Variants in MME observed in about 807,000 individuals in gnomAD.
MME encodes the protein membrane metalloendopeptidase.
MME carries 98 observed loss-of-function variants against 113.2 expected under a neutral mutation model. The observed-to-expected ratio is 0.87, with a 90% CI of 0.74 to 1.02. The LOEUF (loss-of-function observed/expected upper bound fraction) is 1.02, where lower values mean the gene tolerates loss of function less well. MME is among the 50% of genes least tolerant of loss of function. The pLI is 0.00. For missense variants in MME, 836 were observed against 896.0 expected (o/e 0.93, Z 0.86); for synonymous variants, 292 against 300.6 (o/e 0.97, Z 0.30).
chr3:155,149,211 G>A (rs1721744596), intron 16 of MME, among the ~76,000 whole-genome samples: 1 of 152,026 alleles, frequency 6.6e-6, no homozygotes, highest in African/African-American at 2.4e-5. Flanking sequence ...ATAACTATTA[G>A]TTTAGATTTT....
upstream of MME, among the ~76,000 whole-genome samples, chr3:155,076,230 G>A (rs1714743920): frequency 6.6e-6 from 1 of 152,204 alleles, no homozygotes. Flanking sequence ...TTTGTTGTAA[G>A]TTTACCAGCC....
chr3:155,051,096 T>A (rs896780802), intron 1 of MME, among the ~76,000 whole-genome samples: 15 of 152,334 alleles, frequency 9.8e-5, no homozygotes, highest in African/African-American at 3.4e-4. Context: ...AGGAAGAAAC[T>A]GTTAAGCAAA....
At chr3:155,047,293 C>T (rs1713589859) in intron 1 of MME, among the ~76,000 whole-genome samples, 1 of 152,000 alleles carries the variant, frequency 6.6e-6, no homozygotes, top group African/African-American at 2.4e-5. Flanking sequence ...AGTATTTTAC[C>T]ACTGTCTATA....
chr3:155,148,548 A>G lies in MME; in HGVS notation c.1498-2A>G, dbSNP rs1721692909. On this transcript the variant is annotated splice_acceptor_variant, in intron 15 of 22. Coordinates refer to ENST00000360490, the MANE Select transcript of MME (RefSeq NM_007289.4). LOFTEE classifies it high-confidence loss of function. Reference sequence around the variant, plus strand: ...TCTTCCCAAATCTTCTTTATAATACAGTTGAACTACAAAGAAGATGAATAC... The same window carrying G: ...TCTTCCCAAATCTTCTTTATAATACGGTTGAACTACAAAGAAGATGAATAC... The G allele has an allele frequency of 6.3e-7, 1 of 1,583,526 alleles. No homozygotes were observed. The highest frequency in any genetic ancestry group is 1.7e-5 in the Admixed American group (1 of 59,830).
At chr3:155,144,226 T>C (rs1721334240) in intron 13 of MME, 133 bp from the exon 14 acceptor site, 3 of 699,346 alleles carry the variant, frequency 4.3e-6, no homozygotes, top group Non-Finnish European at 7.8e-6. Context: ...TTAGCTTAGG[T>C]CACAGTTTGT....
chr3:155,047,110 C>G (rs1020410487), intron 1 of MME, among the ~76,000 whole-genome samples: 5 of 152,202 alleles, frequency 3.3e-5, no homozygotes, highest in African/African-American at 1.2e-4. Context: ...CACTCACTGA[C>G]TCACCTAGAG....
intron 3 of MME, among the ~76,000 whole-genome samples, chr3:155,092,090 CTTGTTTTATCTAGGCCCTCAACAGA>C (rs541156727): frequency 1.4e-3 from 213 of 152,290 alleles, no homozygotes; most frequent in African/African-American, 4.9e-3. Flanking sequence ...CCCTCTGCCT[CTTGTTTTATCTAGGCCCTCAACAGA>C]TTGGATGATG....
At chr3:155,106,052 A>G (rs1480557800) in intron 3 of MME, among the ~76,000 whole-genome samples, 2 of 152,246 alleles carry the variant, frequency 1.3e-5, no homozygotes, top group African/African-American at 4.8e-5. Flanking sequence ...ACATGTATAT[A>G]TGAAATATAG....
intron 3 of MME, among the ~76,000 whole-genome samples, chr3:155,103,325 C>A (rs574502348): frequency 6.3e-4 from 96 of 152,272 alleles, no homozygotes; most frequent in South Asian, 1.0e-3. Context: ...GTAAGCATAC[C>A]TAATACACAA....
chr3:155,136,937 G>A (rs977002679), intron 8 of MME, among the ~76,000 whole-genome samples: 1 of 152,114 alleles, frequency 6.6e-6, no homozygotes, highest in Non-Finnish European at 1.5e-5. Context: ...TTAAAATGAG[G>A]TGGAATCGTA....
rs145392176 is a variant in MME, at chr3:155,048,020, A to G, written c.-11+23696A>G. On this transcript the variant is annotated intron_variant, in intron 1 of 22. Transcript: ENST00000492661. ...TCCATTATTTAGGTCTTTCCTGAGTAGGCTTTATTCCAGGGGGCATTATTC... is the reference window on the plus strand; with the variant it reads ...TCCATTATTTAGGTCTTTCCTGAGTGGGCTTTATTCCAGGGGGCATTATTC... Among the ~76,000 whole-genome samples, 10 of 152,256 alleles carry G rather than the reference A, an allele frequency of 6.6e-5. No homozygotes were observed. In the East Asian group the frequency reaches 1.9e-3, roughly 29 times the overall value.
At chr3:155,079,877 G>T (rs1476892107), upstream of MME, 3 of 152,420 alleles carry the variant, frequency 2.0e-5, no homozygotes, top group Non-Finnish European at 2.9e-5. Context: ...CGCGCGCCTT[G>T]GGCGGATGCA....
At chr3:155,124,965 C>G (rs1463310167) in intron 8 of MME, among the ~76,000 whole-genome samples, 1 of 152,208 alleles carries the variant, frequency 6.6e-6, no homozygotes, top group South Asian at 2.1e-4. Context: ...AGCTTCCGGG[C>G]TGCTTTGTTT....
intron 8 of MME, among the ~76,000 whole-genome samples, chr3:155,136,159 G>A (rs923055518): frequency 3.9e-5 from 6 of 152,118 alleles, no homozygotes; most frequent in Non-Finnish European, 7.4e-5. Context: ...GATTGATCTA[G>A]GTAGGACTTC....
intron 1 of MME, among the ~76,000 whole-genome samples, chr3:155,073,911 G>C (rs549940458): frequency 6.6e-6 from 1 of 151,794 alleles, no homozygotes; most frequent in Non-Finnish European, 1.5e-5. Context: ...TCATATTACT[G>C]TCTTATAAAT....
chr3:155,127,617 A>G (rs1719795795), intron 8 of MME, among the ~76,000 whole-genome samples: 1 of 152,200 alleles, frequency 6.6e-6, no homozygotes, highest in Admixed American at 6.5e-5. Flanking sequence ...ACATATACCA[A>G]TGTCATTTAG....
intron 1 of MME, among the ~76,000 whole-genome samples, chr3:155,053,403 T>C (rs1398078829): frequency 6.6e-6 from 1 of 152,310 alleles, no homozygotes; most frequent in East Asian, 1.9e-4. Flanking sequence ...TGGCAGAAGA[T>C]GAAACAGGCA....
chr3:155,099,159 G>A (rs1226783026), intron 3 of MME, among the ~76,000 whole-genome samples: 2 of 152,172 alleles, frequency 1.3e-5, no homozygotes, highest in Admixed American at 6.5e-5. Flanking sequence ...CAGTACACGT[G>A]TTGTCATATG....
Position 155,144,361 on chromosome 3 carries a change from C to A in MME, c.1320C>A (p.Val440=), listed in dbSNP as rs770000057. The A allele has an allele frequency of 3.1e-6, 5 of 1,607,726 alleles. No individual in the cohort carries two copies. The Admixed American group carries it at 6.7e-5, about 21-fold the overall frequency. ...AAFAGESKHV[V]EDLIAQIREV... ...TTTGTCTTCTGTTCTGATTTGAGGT[C>A]GAGGATTTGATTGCACAGATCCGAG... The change falls in exon 14 of 23, where the codon GTC becomes GTA. Residue 440 remains valine (V), a splice_region_variant and synonymous_variant. Coordinates refer to ENST00000360490, the MANE Select transcript of MME (RefSeq NM_007289.4).
Sources: allele counts gnomAD v4.1 joint callset (sites outside exome capture counted in the v4.1 genomes callset), GRCh38; gene constraint gnomAD v4.1.1; transcripts MANE v1.5; gene names NCBI Gene and HGNC (gene_info 2026-07-23, HGNC 2026-07-21).